TRIM34: variants seen among roughly 807,000 people sequenced by gnomAD.
TRIM34 encodes tripartite motif containing 34, also known as E3 ubiquitin-protein ligase TRIM34.
Under a neutral mutation model 38.1 loss-of-function variants are expected in TRIM34, and 41 were observed. That is an observed-to-expected ratio of 1.08 (90% CI 0.84 to 1.40). The LOEUF (loss-of-function observed/expected upper bound fraction) is 1.40, where lower values mean the gene tolerates loss of function less well. TRIM34 is among the 40% of genes most tolerant of loss of function. TRIM34 has a pLI of 0.00. For synonymous variants in TRIM34, 200 were observed against 202.5 expected, an observed-to-expected ratio of 0.99 and a Z score of 0.10; for missense variants, 556 against 571.4, an observed-to-expected ratio of 0.97 and a Z score of 0.27.
Position 5,643,522 on chromosome 11 carries a change from C to T in TRIM34, c.1280C>T (p.Ala427Val). Residue 427 changes from alanine (A) to valine (V), a missense_variant, in exon 8 of 8, where the codon GCT becomes GTT. Coordinates refer to ENST00000429814, the MANE Select transcript of TRIM34 (RefSeq NM_021616.6). ...SDPEVLTLSM[A>V]VPPCRVGVFL... is the part of the protein sequence containing the mutation. ...CCCGAGGTTTTGACTCTCTCCATGG[C>T]TGTGCCTCCCTGCCGTGTTGGGGTT... 1 of 1,614,180 alleles carries T rather than the reference C, an allele frequency of 6.2e-7. No individual in the cohort carries two copies. Among genetic ancestry groups the T allele is most frequent in the South Asian group, 1.1e-5 (1 of 91,084 alleles).
chr11:5,642,198 T>C (rs189395645), intron 5 of TRIM34, among the ~76,000 whole-genome samples: 8 of 152,278 alleles, frequency 5.3e-5, no homozygotes, highest in African/African-American at 1.9e-4. Flanking sequence ...ATGAAGACCT[T>C]CTCAAGGTCA....
At chr11:5,634,933 T>C in intron 4 of TRIM34, 72 bp downstream of exon 4, 1 of 1,520,996 alleles carries the variant, frequency 6.6e-7, no homozygotes, top group Non-Finnish European at 8.9e-7. Flanking sequence ...CTCATCCTGG[T>C]GGTGACACTA....
chr11:5,628,038 G>A (rs150467070), intron 1 of TRIM34, among the ~76,000 whole-genome samples: 76 of 152,344 alleles, frequency 5.0e-4, no homozygotes, highest in African/African-American at 1.8e-3. Flanking sequence ...TGGCACTCAT[G>A]TTCCCTTCTC....
In TRIM34 at chr11:5,643,126, T is replaced by TATAGAGA. The variant is rs59472811; in HGVS notation, c.902-18_902-17insATAGAGA. Reference sequence around the variant, plus strand: ...TTATATTCATATACATATATATATATTTTTTTTTTTCTTGCAGTGGATGTC... The same window carrying TATAGAGA: ...TTATATTCATATACATATATATATATATAGAGATTTTTTTTTTCTTGCAGTGGATGTC... On this transcript the variant is annotated splice_polypyrimidine_tract_variant and intron_variant, in intron 7 of 7. Transcript: ENST00000429814. The TATAGAGA allele has an allele frequency of 2.0e-6, 2 of 995,096 alleles. No individual in the cohort carries two copies. The highest frequency in any genetic ancestry group is 2.6e-6 in the Non-Finnish European group (2 of 765,488). 61.6% of individuals were successfully genotyped at this position (995,096 alleles called of 1,614,324 possible).
In TRIM34 at chr11:5,633,786, G is replaced by A. The variant is rs1017411303; in HGVS notation, c.424-18G>A. 3 of 1,611,336 alleles carry A rather than the reference G, an allele frequency of 1.9e-6. No homozygotes were observed. The African/African-American group carries it at 4.0e-5, about 22-fold the overall frequency. On this transcript the variant is annotated intron_variant, in intron 2 of 7. Transcript: ENST00000429814. ...AGAAAGCTTATAGCTTGACTGTAGT[G>A]TGATTCCCTTCTCATAGGAGAAACT...
At chr11:5,626,107 A>C (rs1849211353) in intron 1 of TRIM34, among the ~76,000 whole-genome samples, 1 of 152,058 alleles carries the variant, frequency 6.6e-6, no homozygotes, top group African/African-American at 2.4e-5. Context: ...TCTCTGCCTT[A>C]CTCCTGGGTA....
In TRIM34 at chr11:5,632,438, G is replaced by C. The variant is rs779165159; in HGVS notation, c.107G>C (p.Arg36Pro). The change falls in exon 2 of 8, where the codon CGA (arginine) becomes CCA (proline). Residue 36 changes from arginine to proline, a missense_variant. Arg to Pro is a moderately radical substitution (Grantham distance 103). Coordinates refer to ENST00000429814, the MANE Select transcript of TRIM34 (RefSeq NM_021616.6). ...CTAGACTGTGGCCACAGCCTCTGCC[G>C]AGCCTGCATCACTGTGAGCAACAAG... is the stretch of plus-strand genomic sequence containing the variant. ...LSLDCGHSLC[R>P]ACITVSNKEA... The C allele has an allele frequency of 1.2e-6, 2 of 1,614,038 alleles. No homozygotes were observed. The highest frequency in any genetic ancestry group is 1.7e-6 in the Non-Finnish European group (2 of 1,180,006).
intron 4 of TRIM34, among the ~76,000 whole-genome samples, chr11:5,638,687 T>C (rs1191547289): frequency 6.6e-6 from 1 of 152,324 alleles, no homozygotes; most frequent in Non-Finnish European, 1.5e-5. Context: ...AAGGAAACAA[T>C]ATGGCTGGAG....
upstream of TRIM34, among the ~76,000 whole-genome samples, chr11:5,623,646 C>A (rs970892446): frequency 6.6e-6 from 1 of 150,932 alleles, no homozygotes; most frequent in Non-Finnish European, 1.5e-5. Flanking sequence ...TCCCAAAGTT[C>A]TGGGATTACA....
chr11:5,621,909 C>G (rs865872263), upstream of TRIM34, among the ~76,000 whole-genome samples: 55 of 152,096 alleles, frequency 3.6e-4, no homozygotes, highest in African/African-American at 1.3e-3. Flanking sequence ...TGTCTCATGT[C>G]TCTCTAAAAT....
intron 1 of TRIM34, among the ~76,000 whole-genome samples, chr11:5,629,593 C>T (rs540462153): frequency 4.1e-4 from 63 of 152,300 alleles, no homozygotes; most frequent in Non-Finnish European, 8.8e-5. Flanking sequence ...GCAATAATTG[C>T]AGGTTTGTTT....
chr11:5,626,659 C>G (rs1344431691), intron 1 of TRIM34: 1 of 152,100 alleles, frequency 6.6e-6, no homozygotes, highest in South Asian at 2.1e-4. Context: ...GCAGGAAGAT[C>G]ACCAGAGATC....
chr11:5,634,530 C>CACAA, intron 3 of TRIM34, 101 bp from the exon 4 acceptor site: 1 of 260,134 alleles, frequency 3.8e-6, no homozygotes, highest in Non-Finnish European at 6.6e-6. Flanking sequence ...CACACACACA[C>CACAA]ATATATATAT....
At chr11:5,636,944 A>C (rs1849762448) in intron 4 of TRIM34, among the ~76,000 whole-genome samples, 1 of 152,194 alleles carries the variant, frequency 6.6e-6, no homozygotes, top group African/African-American at 2.4e-5. Flanking sequence ...CAGGAGATCG[A>C]GATCATCCTG....
chr11:5,640,299 C>A (rs915065474), intron 4 of TRIM34, among the ~76,000 whole-genome samples: 1 of 152,024 alleles, frequency 6.6e-6, no homozygotes, highest in Non-Finnish European at 1.5e-5. Context: ...CTCTTCTATT[C>A]CAAGTTTGTT....
At chr11:5,641,120 C>T in intron 4 of TRIM34, 47 bp from the exon 5 acceptor site, 2 of 1,601,434 alleles carry the variant, frequency 1.2e-6, no homozygotes, top group South Asian at 1.1e-5. Flanking sequence ...ATTAGTCTTA[C>T]ACCAGTCTTT....
At chr11:5,622,444 C>CAA (rs58936463), upstream of TRIM34, among the ~76,000 whole-genome samples, 925 of 116,394 alleles carry the variant, frequency 7.9e-3, 11 homozygotes, top group African/African-American at 0.026. Context: ...GACTACCTCT[C>CAA]AAAAAAAAAA....
intron 1 of TRIM34, among the ~76,000 whole-genome samples, chr11:5,627,232 T>C (rs955416804): frequency 5.3e-5 from 8 of 151,748 alleles, no homozygotes; most frequent in African/African-American, 1.9e-4. Context: ...ATACAAAAAT[T>C]AGCTGGGCGT....
chr11:5,631,724 G>A (rs560655860), intron 1 of TRIM34, among the ~76,000 whole-genome samples: 1 of 152,242 alleles, frequency 6.6e-6, no homozygotes, highest in South Asian at 2.1e-4. Flanking sequence ...ATGAAACAAT[G>A]ATAAAGTTTT....
Sources: gnomAD v4.1 joint callset for allele counts (sites outside exome capture counted in the v4.1 genomes callset) on GRCh38, gnomAD v4.1.1 for gene constraint, MANE v1.5 for transcripts, NCBI Gene and HGNC (gene_info 2026-07-23, HGNC 2026-07-21) for gene names.